The following COBL variants were observed in gnomAD, a reference collection of about 807,000 sequenced individuals.
COBL encodes the protein cordon-bleu WH2 repeat protein, also known as protein cordon-bleu.
In COBL, 51 loss-of-function variants were observed where a neutral mutation model predicts 98.8. The observed-to-expected ratio is 0.52, with a 90% CI of 0.41 to 0.65. The LOEUF is 0.65. Ranked by LOEUF, COBL falls within the 30% of genes least tolerant of loss-of-function variation. The pLI, the probability that COBL is intolerant of heterozygous loss-of-function variation, is 0.00. For missense variants in COBL, 1,617 were observed against 1,617.5 expected (o/e 1.00, Z 0.01); for synonymous variants, 634 against 651.7 (o/e 0.97, Z 0.41).
chr7:51,197,778 GTCT>G (rs1414374063), intron 2 of COBL, among the ~76,000 whole-genome samples: 2 of 152,078 alleles, frequency 1.3e-5, no homozygotes, highest in Non-Finnish European at 2.9e-5. Flanking sequence ...GCCCTTCTTT[GTCT>G]TTTTTTATCG....
In COBL at chr7:51,039,936, G is replaced by A. The variant is rs570784378; in HGVS notation, c.1406+3447C>T. Among the ~76,000 whole-genome samples, 17 of 152,264 alleles carry A rather than the reference G, an allele frequency of 1.1e-4. No individual in the cohort carries two copies. In the South Asian group the frequency reaches 3.5e-3, roughly 32 times the overall value. ...ACAGGGTGACAGTTGGACAGAGGGA[G>A]CAGGGCTGCTCTCTTTAGAGAAAGC... On this transcript the variant is annotated intron_variant, in intron 8 of 12. Transcript: ENST00000265136.
At chr7:51,026,885 G>A (rs956883917) in intron 10 of COBL, among the ~76,000 whole-genome samples, 4 of 152,118 alleles carry the variant, frequency 2.6e-5, no homozygotes, top group African/African-American at 9.7e-5. Flanking sequence ...GCCACAGAGT[G>A]AGTCTCCGTC....
At chr7:51,259,521 G>A in intron 1 of COBL, 2 of 667,156 alleles carry the variant, frequency 3.0e-6, no homozygotes, top group Admixed American at 3.8e-5. Flanking sequence ...ATTTGTGGTA[G>A]CAAGATGGGC....
intron 5 of COBL, among the ~76,000 whole-genome samples, chr7:51,177,751 C>A (rs545139059): frequency 2.0e-5 from 3 of 147,590 alleles, no homozygotes; most frequent in Non-Finnish European, 4.4e-5. Flanking sequence ...CCAGTCTGGG[C>A]GACAGAGAGG....
intron 6 of COBL, among the ~76,000 whole-genome samples, chr7:51,133,636 G>C (rs1798954714): frequency 6.6e-6 from 1 of 152,220 alleles, no homozygotes; most frequent in African/African-American, 2.4e-5. Flanking sequence ...GTGCCTTAAT[G>C]TGTACAATCA....
intron 6 of COBL, among the ~76,000 whole-genome samples, chr7:51,087,753 T>A (rs2128944292): frequency 6.6e-6 from 1 of 150,856 alleles, no homozygotes; most frequent in East Asian, 2.0e-4. Context: ...GGATTACAGG[T>A]ATGAGCCACT....
chr7:51,051,802 T>TA (rs1554360257), intron 7 of COBL, among the ~76,000 whole-genome samples: 4 of 152,226 alleles, frequency 2.6e-5, no homozygotes, highest in Non-Finnish European at 4.4e-5. Context: ...TCCATCTGGA[T>TA]AGGGTGGCCA....
intron 2 of COBL, among the ~76,000 whole-genome samples, chr7:51,213,253 C>T (rs902197041): frequency 8.5e-5 from 13 of 152,158 alleles, no homozygotes; most frequent in African/African-American, 2.9e-4. Flanking sequence ...GACCAGTCAA[C>T]GGTGTGTTAG....
intron 7 of COBL, among the ~76,000 whole-genome samples, chr7:51,079,906 G>A (rs1793464112): frequency 6.6e-6 from 1 of 152,260 alleles, no homozygotes; most frequent in South Asian, 2.1e-4. Context: ...CTGAACATCT[G>A]AGCACACAGT....
At chr7:51,148,066 T>G (rs1343056507) in intron 5 of COBL, among the ~76,000 whole-genome samples, 2 of 152,336 alleles carry the variant, frequency 1.3e-5, no homozygotes, top group African/African-American at 4.8e-5. Context: ...CCAGCCACAT[T>G]GATTTATTAC....
intron 1 of COBL, among the ~76,000 whole-genome samples, chr7:51,261,850 A>C (rs1017137848): frequency 1.3e-5 from 2 of 152,216 alleles, no homozygotes; most frequent in South Asian, 4.1e-4. Flanking sequence ...AGGGAGGCTG[A>C]AGCAGGAGAA....
In COBL at chr7:51,017,357, G is replaced by A; in HGVS notation, c.*194C>T. The A allele has an allele frequency of 1.6e-6, 1 of 627,084 alleles. No homozygotes were observed. The highest frequency in any genetic ancestry group is 2.9e-6 in the Non-Finnish European group (1 of 349,132). The allele number at this position is 627,084 out of a possible 1,614,324, so 38.8% of individuals were successfully genotyped here. ...AACACATTTCCTTGGCACACGAGCT[G>A]CGCAGCGACACAGCATCTTCTCCTT... is the stretch of plus-strand genomic sequence containing the variant. On this transcript the variant is annotated 3_prime_UTR_variant, in exon 13 of 13. Coordinates refer to ENST00000265136, the MANE Select transcript of COBL (RefSeq NM_015198.5).
At chr7:51,217,340 CTT>C (rs937958755) in intron 2 of COBL, among the ~76,000 whole-genome samples, 6 of 127,700 alleles carry the variant, frequency 4.7e-5, no homozygotes, top group Admixed American at 2.4e-4. Context: ...TTTTCTTTTT[CTT>C]TTTTTTTTTT....
At chr7:51,284,129 C>CAAAAAAAAAAAAAAA (rs71021763) in intron 1 of COBL, among the ~76,000 whole-genome samples, 1 of 66,246 alleles carries the variant, frequency 1.5e-5, no homozygotes, top group Non-Finnish European at 2.6e-5. Flanking sequence ...ACCAAAAATA[C>CAAAAAAAAAAAAAAA]AAAAAAAAAA....
intron 1 of COBL, among the ~76,000 whole-genome samples, chr7:51,230,893 T>A (rs1258598822): frequency 6.6e-6 from 1 of 152,208 alleles, no homozygotes; most frequent in Non-Finnish European, 1.5e-5. Flanking sequence ...AGTGAATGAA[T>A]GGAGTAAAGT....
chr7:51,028,774 G>C lies in COBL; in HGVS notation c.2322C>G (p.Asn774Lys). The C allele has an allele frequency of 6.2e-7, 1 of 1,614,216 alleles. No homozygotes were observed. Among genetic ancestry groups the C allele is most frequent in the Non-Finnish European group, 8.5e-7 (1 of 1,180,036 alleles). Residue 774 changes from asparagine to lysine, a missense_variant, in exon 10 of 13, where the codon AAC becomes AAG. Asn to Lys is a moderately conservative substitution (Grantham distance 94). Coordinates refer to ENST00000265136, the MANE Select transcript of COBL (RefSeq NM_015198.5). ...IGKVREFWRC[N>K]SVEKHLGRPS... ...GTCGGCCCAGGTGTTTTTCCACAGAGTTGCACCTCCAGAACTCTCTGACTT... is the reference window on the plus strand; with the variant it reads ...GTCGGCCCAGGTGTTTTTCCACAGACTTGCACCTCCAGAACTCTCTGACTT...
chr7:51,081,472 G>A (rs1433168845), intron 7 of COBL, among the ~76,000 whole-genome samples: 1 of 152,218 alleles, frequency 6.6e-6, no homozygotes, highest in Non-Finnish European at 1.5e-5. Context: ...GGCAGCAGGT[G>A]GGGAGGTTCC....
At chr7:51,231,434 T>C (rs969727437) in intron 1 of COBL, among the ~76,000 whole-genome samples, 2 of 152,154 alleles carry the variant, frequency 1.3e-5, no homozygotes, top group Admixed American at 1.3e-4. Context: ...CAAGCAGGGG[T>C]TCCTGGGGAG....
At chr7:51,132,744 G>T in intron 6 of COBL, among the ~76,000 whole-genome samples, 1 of 152,156 alleles carries the variant, frequency 6.6e-6, no homozygotes, top group East Asian at 1.9e-4. Context: ...TCACCTTCTG[G>T]TGAGGCCTCA....
Sources: gnomAD v4.1 joint callset for allele counts (sites outside exome capture counted in the v4.1 genomes callset) on GRCh38, gnomAD v4.1.1 for gene constraint, MANE v1.5 for transcripts, NCBI Gene and HGNC (gene_info 2026-07-23, HGNC 2026-07-21) for gene names.